KCNG2: variants seen among roughly 807,000 people sequenced by gnomAD.
KCNG2 encodes potassium voltage-gated channel modifier subfamily G member 2, also known as voltage-gated potassium channel regulatory subunit KCNG2.
A neutral mutation model predicts 12.3 loss-of-function variants in KCNG2; 7 were observed. The ratio of observed to expected loss-of-function variants is 0.57; its 90% confidence interval spans 0.32 to 1.07. The LOEUF (loss-of-function observed/expected upper bound fraction) is 1.07, where lower values mean the gene tolerates loss of function less well. Among genes scored for constraint, KCNG2 ranks in the 50% least tolerant of loss-of-function variants. The probability of loss-of-function intolerance (pLI) is 0.04; values close to 1 mark genes in which losing one functional copy is unlikely to be tolerated. For synonymous variants in KCNG2, 414 were observed against 351.4 expected (o/e 1.18, Z -1.99); for missense variants, 703 against 726.0 (o/e 0.97, Z 0.36).
chr18:79,881,870 G>T (rs377535005), intron 3 of KCNG2, among the ~76,000 whole-genome samples: 8 of 152,334 alleles, frequency 5.3e-5, no homozygotes, highest in Middle Eastern at 3.4e-3. Flanking sequence ...AAGGACAGGC[G>T]TGGGGTCGTG....
intron 1 of KCNG2, among the ~76,000 whole-genome samples, chr18:79,846,374 CA>C (rs11421957): frequency 0.025 from 1,556 of 61,516 alleles, 15 homozygotes; most frequent in African/African-American, 0.1. Flanking sequence ...GACTCCGTCT[CA>C]AAAAAAAAAA....
rs1440456066 is a variant in KCNG2 at position 79,873,564 on chromosome 18, G to A, written c.624+9273G>A. Among the ~76,000 whole-genome samples, 11 of 152,284 alleles carry A rather than the reference G, an allele frequency of 7.2e-5. No homozygotes were observed. In the East Asian group the frequency reaches 1.7e-3, roughly 24 times the overall value. On this transcript the variant is annotated intron_variant, in intron 3 of 3. Transcript: ENST00000316249. ...GGGAGCCGGCCCTAGCTGTCCGGCCGTGAGCCCTGGACGGGAGCGTTTTCC... is the reference window on the plus strand; with the variant it reads ...GGGAGCCGGCCCTAGCTGTCCGGCCATGAGCCCTGGACGGGAGCGTTTTCC...
At chr18:79,893,202 TCACTC>T (rs574358276) in intron 3 of KCNG2, among the ~76,000 whole-genome samples, 4 of 152,214 alleles carry the variant, frequency 2.6e-5, no homozygotes, top group Non-Finnish European at 4.4e-5. Flanking sequence ...ATTGGGTTCT[TCACTC>T]CATTCACATC....
In KCNG2 at chr18:79,892,070, G is replaced by A. The variant is rs146777860; in HGVS notation, c.625-6970G>A. ...GCAGAGGTTGCAGTGAGTCGAGATC[G>A]CAACACTGCACTCCAGCCTGGATGA... On this transcript the variant is annotated intron_variant, in intron 3 of 3. Coordinates refer to ENST00000316249, the MANE Select transcript of KCNG2 (RefSeq NM_012283.2). Among the ~76,000 whole-genome samples the A allele has an allele frequency of 2.3e-3, 341 of 148,164 alleles. 1 individual carries two copies. Among genetic ancestry groups the A allele is most frequent in the African/African-American group, 8.1e-3 (325 of 40,346 alleles).
intron 1 of KCNG2, among the ~76,000 whole-genome samples, chr18:79,834,247 C>A (rs1314831807): frequency 6.6e-6 from 1 of 152,246 alleles, no homozygotes. Flanking sequence ...CAGCACTGAG[C>A]AAACGTCCTG....
chr18:79,804,745 C>A (rs549944357), intron 1 of KCNG2, among the ~76,000 whole-genome samples: 1 of 152,320 alleles, frequency 6.6e-6, no homozygotes, highest in African/African-American at 2.4e-5. Flanking sequence ...CTTCCAGGTA[C>A]AACAAATGCA....
chr18:79,855,559 C>T (rs1488010713), intron 1 of KCNG2, among the ~76,000 whole-genome samples: 1 of 152,050 alleles, frequency 6.6e-6, no homozygotes, highest in Non-Finnish European at 1.5e-5. Flanking sequence ...ACCAAAATTC[C>T]AGCCTCACCC....
At chr18:79,836,529 G>T (rs888062818) in intron 1 of KCNG2, among the ~76,000 whole-genome samples, 6 of 152,150 alleles carry the variant, frequency 3.9e-5, no homozygotes, top group African/African-American at 1.4e-4. Flanking sequence ...TACCAAAGTT[G>T]TGTTAGTCCA....
intron 1 of KCNG2, among the ~76,000 whole-genome samples, chr18:79,818,635 G>A (rs1014386877): frequency 6.6e-5 from 10 of 152,196 alleles, no homozygotes; most frequent in South Asian, 4.1e-4. Flanking sequence ...CAGCATCTCC[G>A]ATGCGGAAAC....
intron 3 of KCNG2, among the ~76,000 whole-genome samples, chr18:79,889,746 C>A (rs963966774): frequency 6.6e-6 from 1 of 152,192 alleles, no homozygotes; most frequent in African/African-American, 2.4e-5. Flanking sequence ...CCTGCCTGAT[C>A]GTCCTGGCTG....
intron 1 of KCNG2, among the ~76,000 whole-genome samples, chr18:79,846,823 C>G (rs1028194210): frequency 6.6e-6 from 1 of 152,270 alleles, no homozygotes; most frequent in Admixed American, 6.5e-5. Flanking sequence ...TTTGTGAACC[C>G]GTGTCACCGC....
chr18:79,804,744 A>G (rs2087436202), intron 1 of KCNG2, among the ~76,000 whole-genome samples: 1 of 152,238 alleles, frequency 6.6e-6, no homozygotes, highest in Non-Finnish European at 1.5e-5. Context: ...GCTTCCAGGT[A>G]CAACAAATGC....
At chr18:79,856,500 G>A (rs958461959) in intron 2 of KCNG2, among the ~76,000 whole-genome samples, 48 bp downstream of exon 2, 1 of 152,146 alleles carries the variant, frequency 6.6e-6, no homozygotes, top group Non-Finnish European at 1.5e-5. Context: ...AGTCGTACTG[G>A]GATTATCATT....
At chr18:79,887,725 G>A (rs544695799) in intron 3 of KCNG2, among the ~76,000 whole-genome samples, 228 of 152,316 alleles carry the variant, frequency 1.5e-3, no homozygotes, top group African/African-American at 5.3e-3. Flanking sequence ...ACCCGGACAC[G>A]TTGCCAGGTG....
In KCNG2 at chr18:79,899,942, C is replaced by A; in HGVS notation, c.*126C>A. 1.1e-6 allele frequency: 1 copy of A among 905,970 alleles called. No homozygotes were observed. The highest frequency in any genetic ancestry group is 1.5e-6 in the Non-Finnish European group (1 of 686,604). The allele number at this position is 905,970 out of a possible 1,614,324, so 56.1% of individuals were successfully genotyped here. On this transcript the variant is annotated 3_prime_UTR_variant, in exon 4 of 4. Coordinates refer to ENST00000316249, the MANE Select transcript of KCNG2 (RefSeq NM_012283.2). ...GGCTCCTGCCGGCCGCGTCCTCGGCCCTCGTGCGTGAGCAGCCCCAGAACT... is the reference window on the plus strand; with the variant it reads ...GGCTCCTGCCGGCCGCGTCCTCGGCACTCGTGCGTGAGCAGCCCCAGAACT...
At position 79,863,817 on chromosome 18, in the gene KCNG2, C is replaced by T; in HGVS notation, c.150C>T (p.Arg50=). 1 of 1,360,962 alleles carries T rather than the reference C, an allele frequency of 7.3e-7. No homozygotes were observed. The highest frequency in any genetic ancestry group is 9.5e-7 in the Non-Finnish European group (1 of 1,050,970). The allele number at this position is 1,360,962 out of a possible 1,614,324, so 84.3% of individuals were successfully genotyped here. The change falls in exon 3 of 4, where the codon CGC becomes CGT. Residue 50 remains arginine (R), a synonymous_variant. Coordinates refer to ENST00000316249, the MANE Select transcript of KCNG2 (RefSeq NM_012283.2). ...GCCTGGAGCGCCTGCGCGCCTGCCG[C>T]GGCCACGACGACCTGCTGCGCGTGT... ...LARLERLRAC[R]GHDDLLRVCD...
chr18:79,899,303 C>G lies in KCNG2; in HGVS notation c.888C>G (p.Leu296=). The part of the protein sequence containing the change: ...VLRLLRALRV[L]YVMRLARHSL... The stretch of plus-strand genomic sequence containing the variant: ...GGCTGCTGCGTGCGCTGCGCGTGCT[C>G]TACGTGATGCGCCTGGCGCGCCACT... Residue 296 remains leucine (L), a synonymous_variant, in exon 4 of 4, where the codon CTC becomes CTG. Transcript: ENST00000316249. 1 of 1,561,862 alleles carries G rather than the reference C, an allele frequency of 6.4e-7. No homozygotes were observed. Among genetic ancestry groups the G allele is most frequent in the Non-Finnish European group, 8.6e-7 (1 of 1,163,800 alleles).
intron 1 of KCNG2, among the ~76,000 whole-genome samples, chr18:79,805,458 G>A (rs2087441984): frequency 6.6e-6 from 1 of 152,228 alleles, no homozygotes; most frequent in Admixed American, 6.5e-5. Flanking sequence ...CCACACAAAA[G>A]TGCACTGGCT....
intron 2 of KCNG2, among the ~76,000 whole-genome samples, chr18:79,859,895 T>C (rs1640737578): frequency 6.6e-6 from 1 of 152,206 alleles, no homozygotes; most frequent in Non-Finnish European, 1.5e-5. Flanking sequence ...GAGTAAGTAG[T>C]AATGTACTAG....
Sources: allele counts gnomAD v4.1 joint callset (sites outside exome capture counted in the v4.1 genomes callset), GRCh38; gene constraint gnomAD v4.1.1; transcripts MANE v1.5; gene names NCBI Gene and HGNC (gene_info 2026-07-23, HGNC 2026-07-21).